The following TRIM9 variants were observed in gnomAD, a reference collection of about 807,000 sequenced individuals.
The protein encoded by TRIM9 is E3 ubiquitin-protein ligase TRIM9.
Under a neutral mutation model 78.3 loss-of-function variants are expected in TRIM9, and 26 were observed. That is an observed-to-expected ratio of 0.33 (90% CI 0.24 to 0.46). TRIM9 has a LOEUF of 0.46. Among genes scored for constraint, TRIM9 ranks in the 20% least tolerant of loss-of-function variants. The pLI, the probability that TRIM9 is intolerant of heterozygous loss-of-function variation, is 1.00. For synonymous variants in TRIM9, 398 were observed against 416.5 expected (o/e 0.96, Z 0.54); for missense variants, 787 against 1,036.4 (o/e 0.76, Z 3.30).
chr14:51,044,008 C>A (rs1164924671), intron 1 of TRIM9, among the ~76,000 whole-genome samples: 1 of 152,054 alleles, frequency 6.6e-6, no homozygotes, highest in East Asian at 1.9e-4. Context: ...TAGACTGGAG[C>A]AATGGTCTAA....
In TRIM9 at chr14:51,054,547, A is replaced by G. The variant is rs530126161; in HGVS notation, c.823-29187T>C. On this transcript the variant is annotated intron_variant, in intron 1 of 12. Transcript: ENST00000684578. ...TGCCTCAGCCTGCCAAAGTGCTGAG[A>G]CTGCAGGAATGAGCCATTGCCGCCG... Among the ~76,000 whole-genome samples the G allele has an allele frequency of 1.1e-3, 166 of 151,782 alleles. 2 individuals are homozygous for G. Among genetic ancestry groups the G allele is most frequent in the Admixed American group, 7.7e-3 (118 of 15,264 alleles).
intron 3 of TRIM9, among the ~76,000 whole-genome samples, chr14:51,016,392 T>A (rs530421122): frequency 2.6e-5 from 4 of 152,110 alleles, no homozygotes; most frequent in African/African-American, 9.6e-5. Context: ...GGGATCTAGG[T>A]TGCCCGCTCC....
At chr14:50,984,831 G>A (rs1959534) in intron 8 of TRIM9, among the ~76,000 whole-genome samples, 73,815 of 152,072 alleles carry the variant, frequency 0.49, 18,781 homozygotes, top group African/African-American at 0.64. Flanking sequence ...AGACTGTAAC[G>A]ATATTTCAGT....
At chr14:50,995,668 T>C (rs1329679048) in intron 7 of TRIM9, among the ~76,000 whole-genome samples, 1 of 152,192 alleles carries the variant, frequency 6.6e-6, no homozygotes, top group Non-Finnish European at 1.5e-5. Context: ...AGAATTTTTG[T>C]TTTGAAGTTT....
intron 1 of TRIM9, among the ~76,000 whole-genome samples, chr14:51,051,618 T>A (rs1183303886): frequency 6.6e-6 from 1 of 152,138 alleles, no homozygotes; most frequent in Non-Finnish European, 1.5e-5. Context: ...TAGCTATTAA[T>A]AAATCACCCT....
chr14:50,986,059 G>C lies in TRIM9; in HGVS notation c.1689C>G (p.Thr563=). 6.5e-7 allele frequency: 1 copy of C among 1,550,026 alleles called. No individual in the cohort carries two copies. The highest frequency in any genetic ancestry group is 8.7e-7 in the Non-Finnish European group (1 of 1,146,672). The change falls in exon 8 of 13, where the codon ACC becomes ACG. Residue 563 remains threonine (T), a synonymous_variant. Transcript: ENST00000684578. ...CGGGGAAGCTGGGTTGTAGATTAAG[G>C]GTGGAGGAGAAAGGACTCATTCTAC... ...PLRRMSPFSS[T]LNLQPSFPGR... is the part of the protein sequence containing the mutation.
intron 1 of TRIM9, among the ~76,000 whole-genome samples, chr14:51,075,911 A>G (rs937397249): frequency 2.6e-5 from 4 of 152,226 alleles, no homozygotes; most frequent in Non-Finnish European, 5.9e-5. Context: ...AGGTGATTAC[A>G]CAGGAATTCA....
At chr14:51,020,337 T>C (rs980908161) in intron 3 of TRIM9, among the ~76,000 whole-genome samples, 2 of 152,104 alleles carry the variant, frequency 1.3e-5, no homozygotes, top group African/African-American at 4.8e-5. Flanking sequence ...CTGGTGGCTG[T>C]TTTTGGAAGC....
chr14:51,010,332 CTA>C, intron 4 of TRIM9, 50 bp downstream of exon 4: 1 of 1,448,418 alleles, frequency 6.9e-7, no homozygotes, highest in South Asian at 1.1e-5. Context: ...GCATCCTAGA[CTA>C]TGTCCTATGG....
chr14:51,027,132 CTTTTTTTTTTTTTTT>C (rs566767264), intron 1 of TRIM9, among the ~76,000 whole-genome samples: 1 of 85,726 alleles, frequency 1.2e-5, no homozygotes. Flanking sequence ...TGGCTGTTAA[CTTTTTTTTTTTTTTT>C]TTTTTTTTTT....
At chr14:51,020,410 C>CAT (rs2057646464) in intron 3 of TRIM9, among the ~76,000 whole-genome samples, 1 of 152,172 alleles carries the variant, frequency 6.6e-6, no homozygotes, top group Non-Finnish European at 1.5e-5. Context: ...GAAGACAGAA[C>CAT]AGCTTTGCTG....
At chr14:51,066,750 G>C (rs778283812) in intron 1 of TRIM9, among the ~76,000 whole-genome samples, 1 of 152,236 alleles carries the variant, frequency 6.6e-6, no homozygotes, top group African/African-American at 2.4e-5. Context: ...GCAGAAAACG[G>C]AAGTGAGGTA....
intron 3 of TRIM9, among the ~76,000 whole-genome samples, chr14:51,011,433 C>A (rs2056570331): frequency 6.6e-6 from 1 of 152,148 alleles, no homozygotes; most frequent in South Asian, 2.1e-4. Context: ...CTGAAGTAAT[C>A]CTCCTATCTC....
At chr14:51,061,178 C>T (rs1331486724) in intron 1 of TRIM9, among the ~76,000 whole-genome samples, 3 of 151,616 alleles carry the variant, frequency 2.0e-5, no homozygotes, top group East Asian at 3.9e-4. Context: ...TTTGGGAGGC[C>T]GCAGCAGGTG....
chr14:50,997,835 A>T, intron 7 of TRIM9: 2 of 1,397,152 alleles, frequency 1.4e-6, no homozygotes, highest in Non-Finnish European at 1.9e-6. Context: ...GGCCCAAGCC[A>T]TTGGAACTGC....
At chr14:51,019,301 C>T (rs1319249896) in intron 3 of TRIM9, among the ~76,000 whole-genome samples, 2 of 152,214 alleles carry the variant, frequency 1.3e-5, no homozygotes, top group East Asian at 3.8e-4. Flanking sequence ...CACTTCTTCC[C>T]TCAGTAGCTT....
intron 8 of TRIM9, 120 bp from the exon 9 acceptor site, chr14:50,983,541 A>C: frequency 1.7e-6 from 1 of 590,146 alleles, no homozygotes; most frequent in East Asian, 3.3e-5. Flanking sequence ...CCATGAAAAA[A>C]CAAAGCCCTT....
At chr14:51,015,084 T>A (rs934464544) in intron 3 of TRIM9, among the ~76,000 whole-genome samples, 2 of 152,232 alleles carry the variant, frequency 1.3e-5, no homozygotes, top group African/African-American at 4.8e-5. Flanking sequence ...CTATTGATCA[T>A]TTGAACAGTT....
chr14:51,053,238 T>C (rs2060579247), intron 1 of TRIM9, among the ~76,000 whole-genome samples: 1 of 151,910 alleles, frequency 6.6e-6, no homozygotes, highest in Non-Finnish European at 1.5e-5. Flanking sequence ...AAAAAGAATC[T>C]TAAAAAATGT....
Sources: allele counts gnomAD v4.1 joint callset (sites outside exome capture counted in the v4.1 genomes callset), GRCh38; gene constraint gnomAD v4.1.1; transcripts MANE v1.5; gene names NCBI Gene and HGNC (gene_info 2026-07-23, HGNC 2026-07-21).